Variants in MAGI2 observed in about 807,000 individuals in gnomAD.
The protein encoded by MAGI2 is membrane associated guanylate kinase, WW and PDZ domain containing 2, also known as membrane-associated guanylate kinase, WW and PDZ domain-containing protein 2.
In MAGI2, 35 loss-of-function variants were observed where a neutral mutation model predicts 133.3. The ratio of observed to expected loss-of-function variants is 0.26; its 90% CI spans 0.20 to 0.35. MAGI2 has a LOEUF of 0.35. Among genes scored for constraint, MAGI2 ranks in the 10% least tolerant of loss-of-function variants. The probability of loss-of-function intolerance (pLI) is 1.00; values close to 1 mark genes in which losing one functional copy is unlikely to be tolerated. For missense variants in MAGI2, 1,636 were observed against 1,863.4 expected, an observed-to-expected ratio of 0.88 and a Z score of 2.25; for synonymous variants, 729 against 710.6, an observed-to-expected ratio of 1.03 and a Z score of -0.41.
chr7:78,933,985 A>G (rs140789433), intron 2 of MAGI2, among the ~76,000 whole-genome samples: 44 of 152,270 alleles, frequency 2.9e-4, no homozygotes, highest in Middle Eastern at 6.8e-3. Flanking sequence ...TTTAATAAAA[A>G]CACAGCATCA....
Position 79,015,012 on chromosome 7 carries a change from G to A in MAGI2, c.302-7806C>T, listed in dbSNP as rs1238345472. On this transcript the variant is annotated intron_variant, in intron 1 of 21. Transcript: ENST00000354212. ...AAAATGCTCATACTTTGGTATGCTT[G>A]AAATATCTTCATTCATAAAACTAAA... 2.0e-5 allele frequency among the ~76,000 whole-genome samples: 3 copies of A among 152,154 alleles called. No homozygotes were observed. In the East Asian group the frequency reaches 5.8e-4, roughly 29 times the overall value.
At chr7:78,620,553 C>T (rs1033615451) in intron 3 of MAGI2, among the ~76,000 whole-genome samples, 1 of 151,866 alleles carries the variant, frequency 6.6e-6, no homozygotes, top group African/African-American at 2.4e-5. Context: ...TTTCACAGTC[C>T]TCTTAATAAA....
intron 2 of MAGI2, among the ~76,000 whole-genome samples, chr7:78,658,609 A>G (rs1812564826): frequency 6.6e-6 from 1 of 152,222 alleles, no homozygotes; most frequent in Admixed American, 6.5e-5. Context: ...AAAATAAAGA[A>G]CTCAAAACTC....
intron 2 of MAGI2, among the ~76,000 whole-genome samples, chr7:78,966,327 AC>A (rs1430373299): frequency 2.0e-5 from 3 of 151,810 alleles, no homozygotes; most frequent in Admixed American, 6.6e-5. Flanking sequence ...TTGAACAGCA[AC>A]CCTCCATTTC....
intron 3 of MAGI2, among the ~76,000 whole-genome samples, chr7:78,577,449 TCATTA>T (rs1267272092): frequency 6.6e-6 from 1 of 152,204 alleles, no homozygotes; most frequent in Admixed American, 6.5e-5. Context: ...TTGACTGTTT[TCATTA>T]CATTTTAGAA....
At chr7:79,006,845 C>G in intron 2 of MAGI2, 1 of 380,190 alleles carries the variant, frequency 2.6e-6, no homozygotes. Flanking sequence ...ATACTAACTT[C>G]AGAAATGTAA....
intron 2 of MAGI2, among the ~76,000 whole-genome samples, chr7:78,806,496 A>G (rs965430838): frequency 2.0e-5 from 3 of 152,166 alleles, no homozygotes; most frequent in Non-Finnish European, 2.9e-5. Flanking sequence ...TTTATCAATG[A>G]GAGAATCACA....
At chr7:79,447,707 A>G (rs1848959350) in intron 1 of MAGI2, among the ~76,000 whole-genome samples, 1 of 151,974 alleles carries the variant, frequency 6.6e-6, no homozygotes, top group African/African-American at 2.4e-5. Flanking sequence ...ATTTAAATTT[A>G]ATGGTATTTT....
At chr7:78,755,922 G>A (rs1161387458) in intron 2 of MAGI2, among the ~76,000 whole-genome samples, 2 of 152,068 alleles carry the variant, frequency 1.3e-5, no homozygotes, top group Non-Finnish European at 2.9e-5. Context: ...GAGGGTTGTA[G>A]CTTTTTATTT....
chr7:78,367,228 T>G (rs943396193), intron 7 of MAGI2, among the ~76,000 whole-genome samples: 7 of 152,254 alleles, frequency 4.6e-5, no homozygotes, highest in Non-Finnish European at 5.9e-5. Context: ...AGATCTTCAC[T>G]TGCAGAACAC....
intron 2 of MAGI2, among the ~76,000 whole-genome samples, chr7:78,787,395 T>C (rs1056032137): frequency 1.8e-4 from 27 of 152,118 alleles, no homozygotes; most frequent in Non-Finnish European, 2.9e-5. Flanking sequence ...TTTGGGAGTA[T>C]CTCATTAAGT....
intron 1 of MAGI2, among the ~76,000 whole-genome samples, chr7:79,058,246 A>G (rs894522974): frequency 1.3e-5 from 2 of 152,146 alleles, no homozygotes; most frequent in Admixed American, 1.3e-4. Context: ...TATGCTATTT[A>G]GGAAAAAGAA....
intron 2 of MAGI2, among the ~76,000 whole-genome samples, chr7:78,944,429 C>G (rs999806657): frequency 2.0e-5 from 3 of 152,086 alleles, no homozygotes; most frequent in African/African-American, 7.2e-5. Flanking sequence ...TTCACTGGGT[C>G]TCCTCTGAGT....
intron 3 of MAGI2, chr7:78,617,421 A>G (rs1807225915): frequency 6.6e-6 from 1 of 152,052 alleles, no homozygotes; most frequent in African/African-American, 2.4e-5. Context: ...TGGACAATTG[A>G]TCCTGATTTT....
intron 2 of MAGI2, among the ~76,000 whole-genome samples, chr7:78,829,447 A>G (rs908479029): frequency 1.3e-5 from 2 of 152,108 alleles, no homozygotes; most frequent in East Asian, 1.9e-4. Flanking sequence ...GCTCAATTAA[A>G]GAGCACTGGT....
chr7:79,307,050 T>G (rs142834622), intron 1 of MAGI2, among the ~76,000 whole-genome samples: 1 of 152,270 alleles, frequency 6.6e-6, no homozygotes, highest in East Asian at 1.9e-4. Flanking sequence ...CAGGATGAAT[T>G]TATCCTGAAA....
intron 2 of MAGI2, among the ~76,000 whole-genome samples, chr7:78,757,636 A>C (rs948652173): frequency 6.6e-6 from 1 of 152,134 alleles, no homozygotes; most frequent in Non-Finnish European, 1.5e-5. Context: ...CACCTGATAC[A>C]GTTGATCATT....
At chr7:79,125,866 G>A in intron 1 of MAGI2, 1 of 454,684 alleles carries the variant, frequency 2.2e-6, no homozygotes, top group Admixed American at 2.4e-5. Flanking sequence ...GCCAGAGAGT[G>A]ACAGGGAAGT....
chr7:79,110,350 G>A (rs913258575), intron 1 of MAGI2, among the ~76,000 whole-genome samples: 4 of 152,296 alleles, frequency 2.6e-5, no homozygotes, highest in South Asian at 2.1e-4. Flanking sequence ...AGTTGCCCAA[G>A]GCCTTGGGAG....
Sources: allele counts gnomAD v4.1 joint callset (sites outside exome capture counted in the v4.1 genomes callset), GRCh38; gene constraint gnomAD v4.1.1; transcripts MANE v1.5; gene names NCBI Gene and HGNC (gene_info 2026-07-23, HGNC 2026-07-21).